Variants in JPH3 observed in about 807,000 individuals in gnomAD.
JPH3 encodes junctophilin 3, also known as junctophilin-3.
A neutral mutation model predicts 59.6 loss-of-function variants in JPH3; 11 were observed. The observed-to-expected ratio is 0.18, with a 90% CI of 0.12 to 0.31. The LOEUF is 0.31. JPH3 is among the 10% of genes least tolerant of loss of function. JPH3 has a pLI of 1.00. For missense variants in JPH3, 1,202 were observed against 1,105.7 expected, an observed-to-expected ratio of 1.09 and a Z score of -1.24; for synonymous variants, 673 against 483.6, an observed-to-expected ratio of 1.39 and a Z score of -5.14.
At chr16:87,670,335 C>A (rs188744713) in intron 2 of JPH3, among the ~76,000 whole-genome samples, 77 of 152,322 alleles carry the variant, frequency 5.1e-4, no homozygotes, top group African/African-American at 1.8e-3. Context: ...AGCAAACCCA[C>A]GTGTGGCCTC....
chr16:87,606,430 C>T (rs1343473211), intron 1 of JPH3, among the ~76,000 whole-genome samples: 2 of 152,194 alleles, frequency 1.3e-5, no homozygotes, highest in Admixed American at 1.3e-4. Flanking sequence ...GTGTCCTCCC[C>T]TTAGGGTACT....
chr16:87,676,950 T>C (rs1028004282), intron 2 of JPH3, among the ~76,000 whole-genome samples: 1 of 151,512 alleles, frequency 6.6e-6, no homozygotes, highest in Admixed American at 6.6e-5. Flanking sequence ...AGTGGGCGGA[T>C]CACGAGGTCA....
In JPH3 at chr16:87,689,637, C is replaced by T. The variant is rs759291921; in HGVS notation, c.1286-9C>T. ...ACGCCGTCTGGCGTCGTCTTGTGTC[C>T]CCATACAGGGCTGGAGTACCAGAGG... On this transcript the variant is annotated splice_polypyrimidine_tract_variant and intron_variant, in intron 3 of 4. Coordinates refer to ENST00000284262, the MANE Select transcript of JPH3 (RefSeq NM_020655.4). The T allele has an allele frequency of 6.2e-7, 1 of 1,610,870 alleles. No homozygotes were observed.
chr16:87,648,676 G>A (rs996570544), intron 2 of JPH3, among the ~76,000 whole-genome samples: 1 of 152,144 alleles, frequency 6.6e-6, no homozygotes, highest in African/African-American at 2.4e-5. Flanking sequence ...GGGAGAGGGG[G>A]AGCTGGGACT....
chr16:87,666,121 G>T (rs974803433), intron 2 of JPH3, among the ~76,000 whole-genome samples: 1 of 148,414 alleles, frequency 6.7e-6, no homozygotes, highest in Non-Finnish European at 1.5e-5. Context: ...ACAGAGTTTC[G>T]CTCATTGCCC....
At chr16:87,662,816 A>G (rs1292025689) in intron 2 of JPH3, among the ~76,000 whole-genome samples, 2 of 152,074 alleles carry the variant, frequency 1.3e-5, no homozygotes, top group Non-Finnish European at 2.9e-5. Context: ...TGTGAAATCC[A>G]CCTTCCAGGG....
intron 2 of JPH3, among the ~76,000 whole-genome samples, chr16:87,663,047 A>G (rs1424194114): frequency 1.3e-5 from 2 of 152,038 alleles, no homozygotes; most frequent in African/African-American, 4.8e-5. Flanking sequence ...GGTTGGCAGG[A>G]TAAGTCGGCA....
At chr16:87,622,927 G>T (rs2031242306) in intron 1 of JPH3, among the ~76,000 whole-genome samples, 1 of 152,102 alleles carries the variant, frequency 6.6e-6, no homozygotes, top group African/African-American at 2.4e-5. Context: ...GGGGTCCCAG[G>T]GTCTCAGAGG....
intron 1 of JPH3, among the ~76,000 whole-genome samples, chr16:87,632,851 C>T (rs1352535188): frequency 1.3e-5 from 2 of 151,880 alleles, no homozygotes; most frequent in African/African-American, 2.4e-5. Flanking sequence ...TGAGATCATG[C>T]CACTGCACTC....
intron 1 of JPH3, among the ~76,000 whole-genome samples, chr16:87,637,410 G>C (rs2031789286): frequency 7.7e-6 from 1 of 129,600 alleles, no homozygotes; most frequent in Non-Finnish European, 1.6e-5. Flanking sequence ...GAGAGAGAGA[G>C]AGTGTGTGTG....
At chr16:87,622,818 T>TG (rs1214879564) in intron 1 of JPH3, among the ~76,000 whole-genome samples, 1 of 151,870 alleles carries the variant, frequency 6.6e-6, no homozygotes, top group Non-Finnish European at 1.5e-5. Context: ...GGGCTGGGGC[T>TG]GGGGGGCTGG....
At chr16:87,668,541 G>A (rs1197548583) in intron 2 of JPH3, among the ~76,000 whole-genome samples, 3 of 152,202 alleles carry the variant, frequency 2.0e-5, no homozygotes, top group Non-Finnish European at 4.4e-5. Context: ...ACCAAATGCA[G>A]TTTCCTCTTC....
At chr16:87,677,181 T>TACAC (rs1341594297) in intron 2 of JPH3, among the ~76,000 whole-genome samples, 1 of 72,596 alleles carries the variant, frequency 1.4e-5, no homozygotes, top group East Asian at 4.9e-4. Flanking sequence ...GCACTATATA[T>TACAC]ATATACACAC....
chr16:87,630,595 C>T (rs962589791), intron 1 of JPH3, among the ~76,000 whole-genome samples: 18 of 152,152 alleles, frequency 1.2e-4, no homozygotes, highest in African/African-American at 3.6e-4. Flanking sequence ...TTCTCATAAA[C>T]GCATCTTTCC....
intron 1 of JPH3, among the ~76,000 whole-genome samples, chr16:87,622,738 A>ACCC (rs5818640): frequency 6.8e-6 from 1 of 146,194 alleles, no homozygotes; most frequent in South Asian, 2.2e-4. Context: ...GATAAATCAG[A>ACCC]CCCCCCCCCG....
rs139168063 is a variant in JPH3, at chr16:87,624,682, G to A, written c.383-19576G>A. Among the ~76,000 whole-genome samples the A allele has an allele frequency of 3.9e-3, 601 of 152,344 alleles. 3 individuals are homozygous for A. The highest frequency in any genetic ancestry group is 0.013 in the African/African-American group (553 of 41,568). ...GAGTCGTGCTGCTGTGACCATTTGC[G>A]TCCTTTCGTTTCCTCCTGGGTGGAG... On this transcript the variant is annotated intron_variant, in intron 1 of 4. Transcript: ENST00000284262.
At chr16:87,629,901 G>A (rs981181146) in intron 1 of JPH3, among the ~76,000 whole-genome samples, 2 of 152,152 alleles carry the variant, frequency 1.3e-5, no homozygotes, top group African/African-American at 4.8e-5. Flanking sequence ...AGGGGAAGTG[G>A]GGGGCGAGGG....
chr16:87,608,882 A>T (rs1456122789), intron 1 of JPH3, among the ~76,000 whole-genome samples: 2 of 152,194 alleles, frequency 1.3e-5, no homozygotes, highest in African/African-American at 2.4e-5. Flanking sequence ...TACAAAAAAT[A>T]CAAAAATTAG....
chr16:87,657,980 C>G (rs532952836), intron 2 of JPH3, among the ~76,000 whole-genome samples: 3 of 152,306 alleles, frequency 2.0e-5, no homozygotes, highest in African/African-American at 4.8e-5. Context: ...TGGTCACGCT[C>G]CAGGACATAA....
Sources: allele counts gnomAD v4.1 joint callset (sites outside exome capture counted in the v4.1 genomes callset), GRCh38; gene constraint gnomAD v4.1.1; transcripts MANE v1.5; gene names NCBI Gene and HGNC (gene_info 2026-07-23, HGNC 2026-07-21).